The following FRMD5 variants were observed in gnomAD, a reference collection of about 807,000 sequenced individuals.
FRMD5 encodes the protein FERM domain-containing protein 5.
Under a neutral mutation model 69.0 loss-of-function variants are expected in FRMD5, and 20 were observed. The ratio of observed to expected loss-of-function variants is 0.29; its 90% CI spans 0.20 to 0.42. FRMD5 has a LOEUF of 0.42. Among genes scored for constraint, FRMD5 ranks in the 10% least tolerant of loss-of-function variants. The probability of loss-of-function intolerance (pLI) is 1.00; values close to 1 mark genes in which losing one functional copy is unlikely to be tolerated. For missense variants in FRMD5, 595 were observed against 708.6 expected, an observed-to-expected ratio of 0.84 and a Z score of 1.82; for synonymous variants, 271 against 260.1, an observed-to-expected ratio of 1.04 and a Z score of -0.40.
chr15:44,086,537 G>C (rs576467938), intron 1 of FRMD5, among the ~76,000 whole-genome samples: 56 of 152,288 alleles, frequency 3.7e-4, no homozygotes, highest in African/African-American at 1.3e-3. Flanking sequence ...CAGATTAGTG[G>C]TTGCCAGGGG....
chr15:43,877,429 C>A (rs975200796), intron 13 of FRMD5, among the ~76,000 whole-genome samples: 10 of 152,208 alleles, frequency 6.6e-5, no homozygotes, highest in African/African-American at 2.2e-4. Context: ...TCCCATCTTC[C>A]TTGGCTCCCT....
chr15:43,913,497 T>G (rs964705249), intron 4 of FRMD5, among the ~76,000 whole-genome samples: 5 of 152,246 alleles, frequency 3.3e-5, no homozygotes, highest in African/African-American at 1.2e-4. Context: ...TTTAAGAAGA[T>G]AACCAGTGAC....
At chr15:44,046,719 A>C (rs1049495725) in intron 1 of FRMD5, among the ~76,000 whole-genome samples, 8 of 152,240 alleles carry the variant, frequency 5.3e-5, no homozygotes, top group Non-Finnish European at 4.4e-5. Context: ...AGCAGTTCCT[A>C]ACCTTTTTAC....
chr15:44,084,171 G>A (rs754694001), intron 1 of FRMD5, among the ~76,000 whole-genome samples: 100 of 151,866 alleles, frequency 6.6e-4, no homozygotes, highest in Non-Finnish European at 2.1e-4. Context: ...ATAATGAGGC[G>A]GCTAATCTCA....
rs993887559 is a variant in FRMD5, at chr15:43,937,261, T to C, written c.103-12952A>G. On this transcript the variant is annotated intron_variant, in intron 1 of 13. Transcript: ENST00000417257. ...GATCAATGGGTGATAAATGATAACATAGAATTGGCTGCCAGCCTTATCATT... is the reference window on the plus strand; with the variant it reads ...GATCAATGGGTGATAAATGATAACACAGAATTGGCTGCCAGCCTTATCATT... Among the ~76,000 whole-genome samples the C allele has an allele frequency of 4.6e-5, 7 of 152,160 alleles. No individual in the cohort carries two copies. In the South Asian group the frequency reaches 1.0e-3, roughly 22 times the overall value.
In FRMD5 at chr15:44,164,860, G is replaced by C. The variant is rs1446309913; in HGVS notation, c.102+30093C>G. Among the ~76,000 whole-genome samples the C allele has an allele frequency of 4.6e-5, 7 of 152,150 alleles. No homozygotes were observed. The East Asian group carries it at 1.3e-3, about 29-fold the overall frequency. Reference sequence around the variant, plus strand: ...GCACCACCAGTATGAAGTGCACAGGGGCAGATGTGGTAGCACTGTGGCACC... The same window carrying C: ...GCACCACCAGTATGAAGTGCACAGGCGCAGATGTGGTAGCACTGTGGCACC... On this transcript the variant is annotated intron_variant, in intron 1 of 13. Transcript: ENST00000417257.
At chr15:44,155,811 T>G (rs1264408620) in intron 1 of FRMD5, among the ~76,000 whole-genome samples, 1 of 151,836 alleles carries the variant, frequency 6.6e-6, no homozygotes, top group Non-Finnish European at 1.5e-5. Flanking sequence ...GCCAGGCTGG[T>G]CTTGAACTCC....
intron 1 of FRMD5, among the ~76,000 whole-genome samples, chr15:43,948,663 C>T (rs946261666): frequency 4.6e-5 from 7 of 152,188 alleles, no homozygotes; most frequent in Admixed American, 2.0e-4. Flanking sequence ...AATACTCCCT[C>T]ACTCTATATA....
At chr15:44,179,217 T>C (rs754979456) in intron 1 of FRMD5, among the ~76,000 whole-genome samples, 3 of 152,078 alleles carry the variant, frequency 2.0e-5, no homozygotes, top group Non-Finnish European at 4.4e-5. Context: ...GAAAACTGAT[T>C]CCAAATATAA....
At chr15:43,907,228 G>T (rs689222) in intron 5 of FRMD5, among the ~76,000 whole-genome samples, 2 of 152,324 alleles carry the variant, frequency 1.3e-5, no homozygotes, top group Non-Finnish European at 1.5e-5. Context: ...AAGAGGAAAA[G>T]GTGCCCTCCT....
chr15:43,901,112 C>A (rs2089035586), intron 7 of FRMD5, among the ~76,000 whole-genome samples: 1 of 151,996 alleles, frequency 6.6e-6, no homozygotes, highest in Non-Finnish European at 1.5e-5. Flanking sequence ...GAGACATGTA[C>A]AGAGGGAAGA....
At chr15:44,003,864 A>G (rs998883631) in intron 1 of FRMD5, among the ~76,000 whole-genome samples, 4 of 151,886 alleles carry the variant, frequency 2.6e-5, no homozygotes, top group African/African-American at 9.7e-5. Context: ...CTTATTCTCC[A>G]CCCCTGGATC....
At chr15:43,907,665 G>A (rs138056757) in intron 5 of FRMD5, among the ~76,000 whole-genome samples, 5 of 151,960 alleles carry the variant, frequency 3.3e-5, no homozygotes, top group Non-Finnish European at 7.4e-5. Flanking sequence ...GTGCCACCAC[G>A]CCCAGCTAAT....
chr15:44,068,004 G>T (rs1893381826), intron 1 of FRMD5, among the ~76,000 whole-genome samples: 3 of 152,136 alleles, frequency 2.0e-5, no homozygotes, highest in South Asian at 4.1e-4. Flanking sequence ...TATCATTAAA[G>T]AAATGCAAAT....
intron 1 of FRMD5, among the ~76,000 whole-genome samples, chr15:44,044,253 T>C (rs951693883): frequency 6.6e-6 from 1 of 152,082 alleles, no homozygotes; most frequent in Non-Finnish European, 1.5e-5. Context: ...ATGGCGATCA[T>C]TAAAAAGTCA....
At chr15:43,877,462 A>T (rs1216948537) in intron 13 of FRMD5, among the ~76,000 whole-genome samples, 1 of 152,190 alleles carries the variant, frequency 6.6e-6, no homozygotes, top group Non-Finnish European at 1.5e-5. Flanking sequence ...GTTTGCACCC[A>T]GGCAGCCTGC....
chr15:44,016,892 T>A (rs1890986420), intron 1 of FRMD5, among the ~76,000 whole-genome samples: 1 of 151,534 alleles, frequency 6.6e-6, no homozygotes, highest in Non-Finnish European at 1.5e-5. Flanking sequence ...TGGAATGCAG[T>A]GATAAGCCTC....
chr15:43,989,075 G>T, intron 1 of FRMD5: 5 of 909,586 alleles, frequency 5.5e-6, no homozygotes, highest in Non-Finnish European at 5.5e-6. Flanking sequence ...AAGCATCTGC[G>T]GTGGATGATG....
At chr15:44,039,110 G>T (rs576867932) in intron 1 of FRMD5, among the ~76,000 whole-genome samples, 1 of 152,320 alleles carries the variant, frequency 6.6e-6, no homozygotes, top group East Asian at 1.9e-4. Context: ...GCTCAGCAAG[G>T]CTGCTGTGGC....
Sources: gnomAD v4.1 joint callset for allele counts (sites outside exome capture counted in the v4.1 genomes callset) on GRCh38, gnomAD v4.1.1 for gene constraint, MANE v1.5 for transcripts, NCBI Gene and HGNC (gene_info 2026-07-23, HGNC 2026-07-21) for gene names.